OGA: variants seen among roughly 807,000 people sequenced by gnomAD.
OGA encodes protein O-GlcNAcase.
A neutral mutation model predicts 102.0 loss-of-function variants in OGA; 21 were observed. The ratio of observed to expected loss-of-function variants is 0.21; its 90% confidence interval spans 0.15 to 0.30. The LOEUF (loss-of-function observed/expected upper bound fraction) is 0.30, where lower values mean the gene tolerates loss of function less well. Ranked by LOEUF, OGA falls within the 10% of genes least tolerant of loss-of-function variation. OGA has a pLI of 1.00. For missense variants in OGA, 765 were observed against 1,107.8 expected, an observed-to-expected ratio of 0.69 and a Z score of 4.39; for synonymous variants, 408 against 378.2, an observed-to-expected ratio of 1.08 and a Z score of -0.91.
chr10:101,815,874 AAAC>A (rs2065615252), intron 1 of OGA, among the ~76,000 whole-genome samples: 1 of 151,644 alleles, frequency 6.6e-6, no homozygotes, highest in Admixed American at 6.6e-5. Context: ...GATGGAAAGA[AAAC>A]AAAAAAGAAA....
intron 9 of OGA, 33 bp from the exon 10 acceptor site, chr10:101,798,187 T>C: frequency 1.9e-6 from 3 of 1,599,978 alleles, no homozygotes; most frequent in South Asian, 1.1e-5. Context: ...CTCAAAAAAC[T>C]GTAAGCTTAA....
chr10:101,802,086 A>C lies in OGA; in HGVS notation c.1036+1649T>G, dbSNP rs544686736. Among the ~76,000 whole-genome samples the C allele has an allele frequency of 3.9e-5, 6 of 152,234 alleles. No homozygotes were observed. In the East Asian group the frequency reaches 1.2e-3, roughly 29 times the overall value. ...CTTGAACCAGGGAGGCAGAGGTTGCAATGAGCCAAGATCGCGCCACTGCAC... is the reference window on the plus strand; with the variant it reads ...CTTGAACCAGGGAGGCAGAGGTTGCCATGAGCCAAGATCGCGCCACTGCAC... On this transcript the variant is annotated intron_variant, in intron 7 of 15. Coordinates refer to ENST00000361464, the MANE Select transcript of OGA (RefSeq NM_012215.5).
intron 1 of OGA, among the ~76,000 whole-genome samples, chr10:101,815,337 G>A (rs187186797): frequency 2.6e-3 from 402 of 151,888 alleles, no homozygotes; most frequent in African/African-American, 9.1e-3. Flanking sequence ...GGAGTGCAGT[G>A]GCACTATCTC....
chr10:101,785,222 C>T lies in OGA; in HGVS notation c.*1229G>A, dbSNP rs1443830588. On this transcript the variant is annotated 3_prime_UTR_variant, in exon 16 of 16. Coordinates refer to ENST00000361464, the MANE Select transcript of OGA (RefSeq NM_012215.5). Reference sequence around the variant, plus strand: ...ATCTGCCAGCTTCATGCTCAGAACCCTTAAAAACACAGAATCTAAATTAAA... The same window carrying T: ...ATCTGCCAGCTTCATGCTCAGAACCTTTAAAAACACAGAATCTAAATTAAA... The T allele has an allele frequency of 1.3e-5, 2 of 152,206 alleles. No individual in the cohort carries two copies. The highest frequency in any genetic ancestry group is 4.8e-5 in the African/African-American group (2 of 41,444). The allele number at this position is 152,206 out of a possible 1,614,324, so 9.4% of individuals were successfully genotyped here.
chr10:101,808,904 AG>A, intron 4 of OGA, among the ~76,000 whole-genome samples: 1 of 152,044 alleles, frequency 6.6e-6, no homozygotes, highest in African/African-American at 2.4e-5. Context: ...CAGGAGGTAG[AG>A]GTTGCAATGA....
intron 7 of OGA, among the ~76,000 whole-genome samples, chr10:101,802,132 G>A (rs184186150): frequency 1.0e-3 from 152 of 151,172 alleles, no homozygotes; most frequent in African/African-American, 3.5e-3. Context: ...GCAACAGAGC[G>A]AGGCTCTGTC....
chr10:101,794,108 A>C, intron 10 of OGA, 110 bp from the exon 11 acceptor site: 1 of 716,974 alleles, frequency 1.4e-6, no homozygotes. Flanking sequence ...TCTAACAATA[A>C]TCAGGGTTTC....
rs1488707259 is a variant in OGA at position 101,785,967 on chromosome 10, A to G, written c.*484T>C. 1 of 152,434 alleles carries G rather than the reference A, an allele frequency of 6.6e-6. No homozygotes were observed. The highest frequency in any genetic ancestry group is 1.5e-5 in the Non-Finnish European group (1 of 68,178). The allele number at this position is 152,434 out of a possible 1,614,324, so 9.4% of individuals were successfully genotyped here. On this transcript the variant is annotated 3_prime_UTR_variant, in exon 16 of 16. Coordinates refer to ENST00000361464, the MANE Select transcript of OGA (RefSeq NM_012215.5). ...TTATTCAGCTTAAACTAATGCCACA[A>G]CCATCCCACTTGGAATCACTCCACC...
chr10:101,791,528 T>G, intron 12 of OGA, 89 bp from the exon 13 acceptor site: 4 of 955,058 alleles, frequency 4.2e-6, no homozygotes, highest in South Asian at 2.8e-5. Context: ...GGGGAGGGAG[T>G]AACAAAATGG....
At chr10:101,811,356 C>T (rs112093104) in intron 3 of OGA, among the ~76,000 whole-genome samples, 8,499 of 145,618 alleles carry the variant, frequency 0.058, 262 homozygotes, top group Middle Eastern at 0.11. Context: ...ACCACTGCAC[C>T]CCAGTCTGGA....
intron 4 of OGA, among the ~76,000 whole-genome samples, 186 bp from the exon 5 acceptor site, chr10:101,808,087 G>C (rs2065500217): frequency 6.6e-6 from 1 of 152,140 alleles, no homozygotes. Flanking sequence ...TTTCTCATTT[G>C]GGTTTGAATG....
In OGA at chr10:101,818,345, T is replaced by C; in HGVS notation, c.-323A>G. The C allele has an allele frequency of 1.8e-6, 2 of 1,119,952 alleles. No homozygotes were observed. The highest frequency in any genetic ancestry group is 2.2e-6 in the Non-Finnish European group (2 of 913,994). 69.4% of individuals were successfully genotyped at this position (1,119,952 alleles called of 1,614,324 possible). A position where few individuals can be genotyped will look rare whatever the true frequency, so the allele number is the denominator to read the frequency against. On this transcript the variant is annotated 5_prime_UTR_variant, in exon 1 of 16. Coordinates refer to ENST00000361464, the MANE Select transcript of OGA (RefSeq NM_012215.5). ...GGGTCCTGTCCTCGTTCTCTGCCTCTGCTGCCCTCCCGATAATCTTAGGTC... is the reference window on the plus strand; with the variant it reads ...GGGTCCTGTCCTCGTTCTCTGCCTCCGCTGCCCTCCCGATAATCTTAGGTC...
intron 12 of OGA, among the ~76,000 whole-genome samples, 167 bp from the exon 13 acceptor site, chr10:101,791,606 G>C (rs560657275): frequency 6.6e-6 from 1 of 152,318 alleles, no homozygotes; most frequent in South Asian, 2.1e-4. Context: ...CATTGAGTCA[G>C]ATTTGTAAAA....
intron 14 of OGA, among the ~76,000 whole-genome samples, chr10:101,788,642 G>A (rs1052818147): frequency 6.6e-6 from 1 of 151,848 alleles, no homozygotes; most frequent in Non-Finnish European, 1.5e-5. Flanking sequence ...GGCTGAGGCA[G>A]GAGAATCACT....
intron 6 of OGA, among the ~76,000 whole-genome samples, chr10:101,804,297 G>A (rs1475830564): frequency 2.9e-5 from 4 of 138,504 alleles, no homozygotes; most frequent in Admixed American, 2.2e-4. Flanking sequence ...TTTTGAGACA[G>A]AGTCTCGCTG....
chr10:101,816,727 C>T (rs1213152708), intron 1 of OGA, among the ~76,000 whole-genome samples: 4 of 152,170 alleles, frequency 2.6e-5, no homozygotes, highest in Admixed American at 2.0e-4. Context: ...CTCTTTCATG[C>T]CTTACTGTAG....
Position 101,818,142 on chromosome 10 carries a change from C to T in OGA, c.-120G>A. 8.6e-6 allele frequency: 12 copies of T among 1,389,810 alleles called. No individual in the cohort carries two copies. Among genetic ancestry groups the T allele is most frequent in the Non-Finnish European group, 1.1e-5 (12 of 1,074,142 alleles). The allele number at this position is 1,389,810 out of a possible 1,614,324, so 86.1% of individuals were successfully genotyped here. A position where few individuals can be genotyped will look rare whatever the true frequency, so the allele number is the denominator to read the frequency against. ...AAGTGTGCGCCCCTCCGGCTCCTTC[C>T]CCTCCCCCTCTGCCCTTCCCCCTCC... On this transcript the variant is annotated 5_prime_UTR_variant, in exon 1 of 16. Coordinates refer to ENST00000361464, the MANE Select transcript of OGA (RefSeq NM_012215.5).
rs1231658194 is a variant in OGA, at chr10:101,818,153, TGCCCTTCCCCCTCCCTCTCC to T, written c.-151_-132del. On this transcript the variant is annotated 5_prime_UTR_variant, in exon 1 of 16. Transcript: ENST00000361464. ...CCTCCGGCTCCTTCCCCTCCCCCTC[TGCCCTTCCCCCTCCCTCTCC>T]GCAGGGACCCGAATGCCCGGATGAG... is the stretch of plus-strand genomic sequence containing the variant. 1 of 1,378,596 alleles carries T rather than the reference TGCCCTTCCCCCTCCCTCTCC, an allele frequency of 7.3e-7. No homozygotes were observed. The highest frequency in any genetic ancestry group is 2.9e-5 in the East Asian group (1 of 33,910). The allele number at this position is 1,378,596 out of a possible 1,614,324, so 85.4% of individuals were successfully genotyped here.
At chr10:101,789,075 G>A (rs1037533744) in intron 14 of OGA, among the ~76,000 whole-genome samples, 4 of 152,200 alleles carry the variant, frequency 2.6e-5, no homozygotes, top group African/African-American at 9.7e-5. Context: ...ATGTGGAACA[G>A]CAATACATCA....
Sources: gnomAD v4.1 joint callset for allele counts (sites outside exome capture counted in the v4.1 genomes callset) on GRCh38, gnomAD v4.1.1 for gene constraint, MANE v1.5 for transcripts, NCBI Gene and HGNC (gene_info 2026-07-23, HGNC 2026-07-21) for gene names.